ARHGAP39: variants seen among roughly 807,000 people sequenced by gnomAD.
ARHGAP39 encodes Rho GTPase activating protein 39, also known as rho GTPase-activating protein 39.
ARHGAP39 carries 44 observed loss-of-function variants against 106.9 expected under a neutral mutation model. The ratio of observed to expected loss-of-function variants is 0.41; its 90% CI spans 0.32 to 0.53. ARHGAP39 has a LOEUF of 0.53. ARHGAP39 is among the 20% of genes least tolerant of loss of function. The pLI, the probability that ARHGAP39 is intolerant of heterozygous loss-of-function variation, is 0.21. For synonymous variants in ARHGAP39, 768 were observed against 693.2 expected, an observed-to-expected ratio of 1.11 and a Z score of -1.69; for missense variants, 1,496 against 1,577.3, an observed-to-expected ratio of 0.95 and a Z score of 0.87.
At position 144,646,101 on chromosome 8, in the gene ARHGAP39, G is replaced by A. The variant is rs544018859; in HGVS notation, c.-82+39585C>T. Reference sequence around the variant, plus strand: ...GCTGCACTGGTCACCCCTCCCCACCGGTGGCACCAAATGTCCGCCAGCAAG... The same window carrying A: ...GCTGCACTGGTCACCCCTCCCCACCAGTGGCACCAAATGTCCGCCAGCAAG... On this transcript the variant is annotated intron_variant, in intron 1 of 11. Coordinates refer to ENST00000377307, the MANE Select transcript of ARHGAP39 (RefSeq NM_025251.3). This position sits in a 1 kb window ranked among gnomAD's most constrained non-coding sequence, Gnocchi z 5.7. Among the ~76,000 whole-genome samples, 7 of 152,212 alleles carry A rather than the reference G, an allele frequency of 4.6e-5. No individual in the cohort carries two copies. Among genetic ancestry groups the A allele is most frequent in the Non-Finnish European group, 5.9e-5 (4 of 68,042 alleles).
At chr8:144,651,176 T>C (rs1404063811) in intron 1 of ARHGAP39, among the ~76,000 whole-genome samples, 5 of 151,592 alleles carry the variant, frequency 3.3e-5, no homozygotes, top group African/African-American at 1.2e-4. Context: ...AAGAATAAAA[T>C]ACCTAGGAAT....
chr8:144,576,759 G>A (rs1347892646), intron 3 of ARHGAP39, among the ~76,000 whole-genome samples: 1 of 152,196 alleles, frequency 6.6e-6, no homozygotes, highest in African/African-American at 2.4e-5. Flanking sequence ...GCACAGCACA[G>A]GCTCTTGAGG....
At chr8:144,538,314 G>A (rs1261647193) in intron 6 of ARHGAP39, among the ~76,000 whole-genome samples, 1 of 152,192 alleles carries the variant, frequency 6.6e-6, no homozygotes. Context: ...GCGTAACTCC[G>A]CAGTGTTGCC....
At chr8:144,642,528 G>A (rs1821338607) in intron 1 of ARHGAP39, among the ~76,000 whole-genome samples, 1 of 151,684 alleles carries the variant, frequency 6.6e-6, no homozygotes, top group African/African-American at 2.4e-5. Context: ...AAAAAAATTA[G>A]CCAGGTGATA....
Position 144,585,050 on chromosome 8 carries a change from T to G in ARHGAP39, c.81-3773A>C, listed in dbSNP as rs1018492191. Among the ~76,000 whole-genome samples, 1 of 152,110 alleles carries G rather than the reference T, an allele frequency of 6.6e-6. No homozygotes were observed. The highest frequency in any genetic ancestry group is 6.5e-5 in the Admixed American group (1 of 15,284). ...GGAGAACCAGGCATCTCAGTGGAACTTTGGTCTCCACCCAGAGCCAAGGTG... is the reference window on the plus strand; with the variant it reads ...GGAGAACCAGGCATCTCAGTGGAACGTTGGTCTCCACCCAGAGCCAAGGTG... On this transcript the variant is annotated intron_variant, in intron 2 of 11. Transcript: ENST00000377307. This position sits in a 1 kb window ranked among gnomAD's most constrained non-coding sequence, Gnocchi z 4.6.
intron 3 of ARHGAP39, among the ~76,000 whole-genome samples, chr8:144,567,337 T>C (rs1484451384): frequency 1.3e-5 from 2 of 151,996 alleles, no homozygotes; most frequent in Non-Finnish European, 2.9e-5. Flanking sequence ...AGTGCGAGCC[T>C]TCTGTTATGC....
rs1817024737 is a variant in ARHGAP39 at position 144,537,817 on chromosome 8, G to A, written c.2522-4C>T. 6.2e-7 allele frequency: 1 copy of A among 1,613,584 alleles called. No individual in the cohort carries two copies. Among genetic ancestry groups the A allele is most frequent in the Non-Finnish European group, 8.5e-7 (1 of 1,179,612 alleles). ...AGCTCTTTTATGTGCTGTGTCACTG[G>A]GGAGCAAAGACAACCATCAGCACGA... is the stretch of plus-strand genomic sequence containing the variant. On this transcript the variant is annotated splice_polypyrimidine_tract_variant and splice_region_variant and intron_variant, in intron 6 of 11. Transcript: ENST00000377307.
upstream of ARHGAP39, among the ~76,000 whole-genome samples, chr8:144,687,002 ACCATTTCCCACCCCCGTGACCAC>A (rs1822614255): frequency 1.3e-5 from 1 of 79,132 alleles, no homozygotes; most frequent in Non-Finnish European, 2.3e-5. Flanking sequence ...ACTGGCGGCG[ACCATTTCCCACCCCCGTGACCAC>A]GCACTGGCGG....
At chr8:144,559,354 C>CA (rs59435627) in intron 3 of ARHGAP39, among the ~76,000 whole-genome samples, 1,575 of 42,916 alleles carry the variant, frequency 0.037, 400 homozygotes, top group African/African-American at 0.15. Context: ...ACTTTGTCTC[C>CA]AAAAAAAAAA....
At position 144,588,775 on chromosome 8, in the gene ARHGAP39, C is replaced by T. The variant is rs545218736; in HGVS notation, c.81-7498G>A. Among the ~76,000 whole-genome samples the T allele has an allele frequency of 2.0e-5, 3 of 152,372 alleles. No homozygotes were observed. The South Asian group carries it at 6.2e-4, about 32-fold the overall frequency. ...GCAGCCTCAGCTGGGCCACCATGGC[C>T]AACGTGGGCAGGACTCTTGTGCGTG... On this transcript the variant is annotated intron_variant, in intron 2 of 11. Transcript: ENST00000377307.
chr8:144,576,010 T>C (rs1455281666), intron 3 of ARHGAP39, among the ~76,000 whole-genome samples: 16 of 152,002 alleles, frequency 1.1e-4, no homozygotes, highest in Admixed American at 1.0e-3. Context: ...CCCAAACTAA[T>C]CCATAATTCA....
chr8:144,532,239 C>T, intron 10 of ARHGAP39, 66 bp downstream of exon 10: 2 of 1,471,924 alleles, frequency 1.4e-6, no homozygotes, highest in Non-Finnish European at 1.9e-6. Context: ...GAGGCGGAGA[C>T]AGGGGCCCCT....
At chr8:144,627,894 G>A (rs1820965719) in intron 1 of ARHGAP39, among the ~76,000 whole-genome samples, 1 of 152,222 alleles carries the variant, frequency 6.6e-6, no homozygotes. Flanking sequence ...CACTCCGACT[G>A]CTGGCTCTGG....
intron 3 of ARHGAP39, among the ~76,000 whole-genome samples, chr8:144,579,144 G>T (rs1296445542): frequency 7.0e-6 from 1 of 142,578 alleles, no homozygotes; most frequent in African/African-American, 2.7e-5. Context: ...GGAACTTGCA[G>T]TGAGCAGCAA....
intron 1 of ARHGAP39, among the ~76,000 whole-genome samples, chr8:144,643,004 C>T (rs920779709): frequency 6.6e-6 from 1 of 152,084 alleles, no homozygotes; most frequent in African/African-American, 2.4e-5. Context: ...CAGAGCAAGA[C>T]CCTGTTTCAA....
chr8:144,530,363 T>G lies in ARHGAP39; in HGVS notation c.*59A>C. The G allele has an allele frequency of 6.6e-7, 1 of 1,505,230 alleles. No individual in the cohort carries two copies. Among genetic ancestry groups the G allele is most frequent in the Admixed American group, 2.0e-5 (1 of 50,598 alleles). 93.2% of individuals were successfully genotyped at this position (1,505,230 alleles called of 1,614,324 possible). On this transcript the variant is annotated 3_prime_UTR_variant, in exon 12 of 12. Coordinates refer to ENST00000377307, the MANE Select transcript of ARHGAP39 (RefSeq NM_025251.3). ...CTGGCCCCTCTGCCGGGAGAGCGAG[T>G]GCGGAGTTCGGCCTGGCTGGGGGCG...
At chr8:144,669,619 T>C (rs1822051824) in intron 1 of ARHGAP39, among the ~76,000 whole-genome samples, 1 of 151,360 alleles carries the variant, frequency 6.6e-6, no homozygotes, top group Non-Finnish European at 1.5e-5. Flanking sequence ...GTAAATTGTA[T>C]ATATCTGATC....
chr8:144,619,811 A>G (rs1304143648), intron 1 of ARHGAP39, among the ~76,000 whole-genome samples: 1 of 118,500 alleles, frequency 8.4e-6, no homozygotes, highest in Non-Finnish European at 1.8e-5. Context: ...CGTGTGTGTG[A>G]GCTTGTGTCC....
chr8:144,610,779 T>C (rs1820464835), intron 1 of ARHGAP39, among the ~76,000 whole-genome samples: 1 of 152,170 alleles, frequency 6.6e-6, no homozygotes, highest in Non-Finnish European at 1.5e-5. Flanking sequence ...GCTTTCATGA[T>C]ATCCGACAAG....
Sources: gnomAD v4.1 joint callset for allele counts (sites outside exome capture counted in the v4.1 genomes callset) on GRCh38, gnomAD v4.1.1 for gene constraint, Gnocchi (gnomAD v3.1) non-coding constraint, MANE v1.5 for transcripts, NCBI Gene and HGNC (gene_info 2026-07-23, HGNC 2026-07-21) for gene names.